FOXP2: variants seen among roughly 807,000 people sequenced by gnomAD.
FOXP2 encodes forkhead box protein P2.
In FOXP2, 12 loss-of-function variants were observed where a neutral mutation model predicts 115.8. The observed-to-expected ratio is 0.10, with a 90% CI of 0.07 to 0.17. FOXP2 has a LOEUF of 0.17. FOXP2 is among the 10% of genes least tolerant of loss of function. The pLI, the probability that FOXP2 is intolerant of heterozygous loss-of-function variation, is 1.00. For missense variants in FOXP2, 629 were observed against 843.5 expected (o/e 0.75, Z 3.15); for synonymous variants, 328 against 297.7 (o/e 1.10, Z -1.05).
At chr7:114,182,735 A>G (rs1562995256) in intron 1 of FOXP2, among the ~76,000 whole-genome samples, 1 of 152,062 alleles carries the variant, frequency 6.6e-6, no homozygotes, top group Admixed American at 6.6e-5. Flanking sequence ...CATATACACA[A>G]AAGATAATAT....
intron 1 of FOXP2, among the ~76,000 whole-genome samples, chr7:114,237,109 T>C (rs2129166899): frequency 6.6e-6 from 1 of 152,338 alleles, no homozygotes; most frequent in South Asian, 2.1e-4. Flanking sequence ...GCTGTGTTTC[T>C]ACAAGAAAGT....
intron 1 of FOXP2, among the ~76,000 whole-genome samples, chr7:114,111,537 T>C (rs1791267325): frequency 6.6e-6 from 1 of 152,136 alleles, no homozygotes; most frequent in Non-Finnish European, 1.5e-5. Context: ...AGATAAAACA[T>C]AAGGGAACTT....
At chr7:114,088,001 G>C (rs1446333824) in intron 1 of FOXP2, among the ~76,000 whole-genome samples, 1 of 152,052 alleles carries the variant, frequency 6.6e-6, no homozygotes. Context: ...GGGACGCTCC[G>C]CAGAATCCGG....
At chr7:114,121,233 C>G (rs539122415) in intron 1 of FOXP2, among the ~76,000 whole-genome samples, 10 of 152,028 alleles carry the variant, frequency 6.6e-5, no homozygotes, top group Non-Finnish European at 1.2e-4. Context: ...CCGTCTTACT[C>G]TCTTTCCACC....
chr7:114,654,196 C>A, intron 10 of FOXP2, 187 bp downstream of exon 10: 1 of 1,378,824 alleles, frequency 7.3e-7, no homozygotes, highest in Non-Finnish European at 9.6e-7. Flanking sequence ...TTTACAAAAT[C>A]TATCCAATCT....
chr7:114,157,114 T>G (rs1356391613), intron 1 of FOXP2, among the ~76,000 whole-genome samples: 2 of 152,168 alleles, frequency 1.3e-5, no homozygotes, highest in Non-Finnish European at 2.9e-5. Context: ...TAGCTCTGCC[T>G]CTATCTTCCA....
At position 114,264,385 on chromosome 7, in the gene FOXP2, T is replaced by C. The variant is rs1337134509; in HGVS notation, c.-101-23634T>C. Among the ~76,000 whole-genome samples, 4 of 152,328 alleles carry C rather than the reference T, an allele frequency of 2.6e-5. No homozygotes were observed. The East Asian group carries it at 7.7e-4, about 29-fold the overall frequency. On this transcript the variant is annotated intron_variant, in intron 1 of 17. Coordinates refer to the FOXP2 transcript ENST00000634411. ...CTGAGACCAAAGGTTTGAGAACTTC[T>C]GTTGTAACTTACTGTTACTATGCCA...
intron 2 of FOXP2, among the ~76,000 whole-genome samples, chr7:114,507,743 A>G (rs181293256): frequency 6.6e-6 from 1 of 151,916 alleles, no homozygotes; most frequent in Non-Finnish European, 1.5e-5. Context: ...AGGAAAGCAA[A>G]CTCCCCTGTT....
At chr7:114,332,481 A>G (rs1797737696) in intron 2 of FOXP2, among the ~76,000 whole-genome samples, 1 of 152,174 alleles carries the variant, frequency 6.6e-6, no homozygotes, top group African/African-American at 2.4e-5. Flanking sequence ...TAATATATAC[A>G]TTATATCTTG....
intron 1 of FOXP2, among the ~76,000 whole-genome samples, chr7:114,421,510 T>G (rs1426506041): frequency 1.3e-5 from 2 of 149,168 alleles, no homozygotes; most frequent in Non-Finnish European, 3.0e-5. Flanking sequence ...TACTAAAGTG[T>G]TTTTTTTTCT....
chr7:114,458,546 CTTTT>C (rs1177402028), intron 2 of FOXP2, among the ~76,000 whole-genome samples: 2 of 113,414 alleles, frequency 1.8e-5, no homozygotes, highest in Non-Finnish European at 1.8e-5. Flanking sequence ...ATTTTCTTTT[CTTTT>C]TTTTTTTTTT....
intron 1 of FOXP2, among the ~76,000 whole-genome samples, chr7:114,247,219 C>T (rs1055313491): frequency 5.3e-5 from 8 of 152,084 alleles, no homozygotes; most frequent in East Asian, 3.9e-4. Context: ...TCTTATTATA[C>T]GTTCTTTATC....
chr7:114,659,543 A>G lies in FOXP2; in HGVS notation c.1546-29A>G, dbSNP rs1585003070. The G allele has an allele frequency of 7.5e-6, 12 of 1,598,898 alleles. No homozygotes were observed. The East Asian group carries it at 2.5e-4, about 33-fold the overall frequency. On this transcript the variant is annotated intron_variant, in intron 12 of 16. Transcript: ENST00000350908. ...AGTCTAGTTAGTAAACCATTATTTT[A>G]TGTCACTATGTATCTTGTCTCATTT...
chr7:114,419,591 G>A lies in FOXP2; in HGVS notation c.-11+4231G>A, dbSNP rs77075734. ...GTGACTCATGCTAACATTAGTGGAA[G>A]CTAAGTATAAAAATGTTTATTCTAA... On this transcript the variant is annotated intron_variant, in intron 1 of 16. Transcript: ENST00000350908. Among the ~76,000 whole-genome samples the A allele has an allele frequency of 5.8e-3, 888 of 151,918 alleles. 5 individuals carry two copies. The highest frequency in any genetic ancestry group is 0.02 in the African/African-American group (846 of 41,470).
chr7:114,261,191 T>C (rs1479906213), intron 1 of FOXP2, among the ~76,000 whole-genome samples: 3 of 152,198 alleles, frequency 2.0e-5, no homozygotes, highest in African/African-American at 7.2e-5. Context: ...GCTCATCAAA[T>C]GAAAGGTGTT....
At chr7:114,143,210 G>A (rs1180495476) in intron 1 of FOXP2, among the ~76,000 whole-genome samples, 3 of 151,020 alleles carry the variant, frequency 2.0e-5, no homozygotes, top group Non-Finnish European at 4.4e-5. Flanking sequence ...CTTGTATGGA[G>A]AAATCAGCTG....
At chr7:114,267,871 A>T (rs571892979) in intron 1 of FOXP2, among the ~76,000 whole-genome samples, 14 of 151,930 alleles carry the variant, frequency 9.2e-5, no homozygotes, top group African/African-American at 3.4e-4. Flanking sequence ...TCAGACTGTC[A>T]TGCAACTGTC....
At chr7:114,400,621 G>T (rs574583881) in intron 2 of FOXP2, among the ~76,000 whole-genome samples, 1 of 152,110 alleles carries the variant, frequency 6.6e-6, no homozygotes, top group Non-Finnish European at 1.5e-5. Context: ...GGGGTCGGGG[G>T]GAATGGCTTC....
chr7:114,468,857 T>A (rs1434311645), intron 2 of FOXP2, among the ~76,000 whole-genome samples: 1 of 152,178 alleles, frequency 6.6e-6, no homozygotes, highest in African/African-American at 2.4e-5. Flanking sequence ...TGACATGTAA[T>A]AAGTGCTCAA....
Sources: gnomAD v4.1 joint callset for allele counts (sites outside exome capture counted in the v4.1 genomes callset) on GRCh38, gnomAD v4.1.1 for gene constraint, MANE v1.5 for transcripts, NCBI Gene and HGNC (gene_info 2026-07-23, HGNC 2026-07-21) for gene names.